CCDC170: variants seen among roughly 807,000 people sequenced by gnomAD.
CCDC170 encodes coiled-coil domain containing 170.
In CCDC170, 69 loss-of-function variants were observed where a neutral mutation model predicts 72.6. The ratio of observed to expected loss-of-function variants is 0.95; its 90% confidence interval spans 0.78 to 1.16. The LOEUF is 1.16. CCDC170 is among the 50% of genes most tolerant of loss of function. The pLI is 0.00. For synonymous variants in CCDC170, 300 were observed against 303.9 expected, an observed-to-expected ratio of 0.99 and a Z score of 0.13; for missense variants, 852 against 832.5, an observed-to-expected ratio of 1.02 and a Z score of -0.29.
chr6:151,522,531 C>T (rs1782336960), intron 1 of CCDC170, among the ~76,000 whole-genome samples: 2 of 152,156 alleles, frequency 1.3e-5, no homozygotes, highest in Admixed American at 6.5e-5. Context: ...CTCACCCCGT[C>T]ATTCTCTTTA....
intron 1 of CCDC170, among the ~76,000 whole-genome samples, chr6:151,514,373 GAGGAAGGA>G (rs1184730408): frequency 9.3e-6 from 1 of 107,008 alleles, no homozygotes; most frequent in Non-Finnish European, 1.9e-5. Flanking sequence ...GGGAGGGAGG[GAGGAAGGA>G]AGGAAGGAAG....
intron 1 of CCDC170, among the ~76,000 whole-genome samples, chr6:151,519,857 G>A (rs1031564723): frequency 1.3e-5 from 2 of 152,188 alleles, no homozygotes; most frequent in Non-Finnish European, 2.9e-5. Flanking sequence ...GCATACCAAT[G>A]TATTATAATT....
intron 3 of CCDC170, among the ~76,000 whole-genome samples, chr6:151,540,372 G>GTTTTT (rs1782668488): frequency 2.7e-5 from 1 of 36,924 alleles, no homozygotes; most frequent in Non-Finnish European, 6.2e-5. Flanking sequence ...TTCTGCTGCT[G>GTTTTT]CTTTTTTTTT....
chr6:151,541,656 A>T (rs1259774106), intron 3 of CCDC170, among the ~76,000 whole-genome samples: 1 of 151,990 alleles, frequency 6.6e-6, no homozygotes, highest in East Asian at 1.9e-4. Flanking sequence ...TATTTTTTAT[A>T]CAGAAAAGTG....
chr6:151,598,977 C>A (rs2115123274), intron 9 of CCDC170, among the ~76,000 whole-genome samples: 1 of 152,164 alleles, frequency 6.6e-6, no homozygotes, highest in African/African-American at 2.4e-5. Context: ...TACAGGAGTA[C>A]TACTTTGTTA....
At chr6:151,512,846 T>A (rs1342524518) in intron 1 of CCDC170, among the ~76,000 whole-genome samples, 1 of 152,206 alleles carries the variant, frequency 6.6e-6, no homozygotes, top group Non-Finnish European at 1.5e-5. Context: ...ATTCTTCGTG[T>A]GATAAATATT....
intron 5 of CCDC170, among the ~76,000 whole-genome samples, chr6:151,550,338 T>C (rs1782858583): frequency 6.6e-6 from 1 of 152,170 alleles, no homozygotes; most frequent in African/African-American, 2.4e-5. Context: ...GGGCTAGTGG[T>C]GGCCCACAGG....
intron 1 of CCDC170, among the ~76,000 whole-genome samples, chr6:151,530,657 G>C (rs1782480371): frequency 6.6e-6 from 1 of 151,994 alleles, no homozygotes; most frequent in Non-Finnish European, 1.5e-5. Flanking sequence ...GGTCAGGCTG[G>C]TCTTGAACTC....
chr6:151,525,685 C>A (rs1332016016), intron 1 of CCDC170, among the ~76,000 whole-genome samples: 1 of 152,138 alleles, frequency 6.6e-6, no homozygotes, highest in Non-Finnish European at 1.5e-5. Flanking sequence ...TGGACTCAGC[C>A]CGCCTGCACC....
chr6:151,562,680 T>C (rs566320162), intron 5 of CCDC170, among the ~76,000 whole-genome samples: 110 of 152,350 alleles, frequency 7.2e-4, no homozygotes, highest in African/African-American at 2.5e-3. Flanking sequence ...GGAATAGCAC[T>C]AAGCTCTTCT....
At chr6:151,520,418 C>G (rs1382068692) in intron 1 of CCDC170, among the ~76,000 whole-genome samples, 1 of 152,210 alleles carries the variant, frequency 6.6e-6, no homozygotes, top group Non-Finnish European at 1.5e-5. Flanking sequence ...CTAACTGACT[C>G]CATCTTGTTT....
At chr6:151,500,935 C>T (rs1050613435) in intron 1 of CCDC170, among the ~76,000 whole-genome samples, 40 of 152,098 alleles carry the variant, frequency 2.6e-4, no homozygotes, top group Non-Finnish European at 3.8e-4. Context: ...AATTTGGTGA[C>T]GTCACTGTGA....
chr6:151,501,190 C>A (rs2115018109), intron 1 of CCDC170, among the ~76,000 whole-genome samples: 1 of 152,168 alleles, frequency 6.6e-6, no homozygotes, highest in Admixed American at 6.5e-5. Context: ...AAACGTTAGA[C>A]AAACCCACCT....
chr6:151,532,976 G>T (rs17054388), intron 1 of CCDC170, among the ~76,000 whole-genome samples: 6,615 of 152,074 alleles, frequency 0.043, 251 homozygotes, highest in East Asian at 0.22. Context: ...GATCCCTGCC[G>T]CAGGGCCCTT....
chr6:151,495,925 G>A (rs185877054), intron 1 of CCDC170, among the ~76,000 whole-genome samples: 1 of 152,054 alleles, frequency 6.6e-6, no homozygotes, highest in Non-Finnish European at 1.5e-5. Flanking sequence ...TAATATACAC[G>A]ACCTACTAAA....
chr6:151,541,522 T>G (rs1453861109), intron 3 of CCDC170, among the ~76,000 whole-genome samples: 2 of 152,088 alleles, frequency 1.3e-5, no homozygotes, highest in African/African-American at 2.4e-5. Flanking sequence ...TGGCTGGATT[T>G]GTATCTCTTT....
In CCDC170 at chr6:151,538,163, GAGAC is replaced by G. The variant is rs1249176199; in HGVS notation, c.309_312del (p.Asp103GlufsTer5). The G allele has an allele frequency of 6.2e-7, 1 of 1,614,014 alleles. No homozygotes were observed. The highest frequency in any genetic ancestry group is 1.3e-5 in the African/African-American group (1 of 75,040). On this transcript the variant is annotated frameshift_variant, in exon 3 of 11. Transcript: ENST00000239374. LOFTEE classifies it high-confidence loss of function. ...AAATCATCTCTCCTTACCTCTTTGAGAGACAGAGTTCAGGAACTAGAAGAAGAAT... is the reference window on the plus strand; with the variant it reads ...AAATCATCTCTCCTTACCTCTTTGAGAGAGTTCAGGAACTAGAAGAAGAAT...
At chr6:151,587,634 T>C (rs771521744) in intron 7 of CCDC170, among the ~76,000 whole-genome samples, 1 of 152,154 alleles carries the variant, frequency 6.6e-6, no homozygotes, top group Admixed American at 6.5e-5. Flanking sequence ...TGCATTGAGG[T>C]TGGATATGCA....
At chr6:151,509,134 A>G (rs1782107090) in intron 1 of CCDC170, among the ~76,000 whole-genome samples, 1 of 152,156 alleles carries the variant, frequency 6.6e-6, no homozygotes, top group African/African-American at 2.4e-5. Flanking sequence ...ATTTGGGAAG[A>G]GTTCTAAAAT....
Sources: gnomAD v4.1 joint callset for allele counts (sites outside exome capture counted in the v4.1 genomes callset) on GRCh38, gnomAD v4.1.1 for gene constraint, MANE v1.5 for transcripts, NCBI Gene and HGNC (gene_info 2026-07-23, HGNC 2026-07-21) for gene names.